Variants in ADAMTS7 observed in about 807,000 individuals in gnomAD.
The protein encoded by ADAMTS7 is A disintegrin and metalloproteinase with thrombospondin motifs 7.
In ADAMTS7, 89 loss-of-function variants were observed where a neutral mutation model predicts 172.6. That is an observed-to-expected ratio of 0.52 (90% confidence interval 0.43 to 0.61). The LOEUF is 0.61. ADAMTS7 is among the 20% of genes least tolerant of loss of function. The pLI is 0.00. For missense variants in ADAMTS7, 1,973 were observed against 2,355.6 expected (o/e 0.84, Z 3.36); for synonymous variants, 885 against 978.4 (o/e 0.90, Z 1.78).
At position 78,791,203 on chromosome 15, in the gene ADAMTS7, G is replaced by A. The variant is rs2055576343; in HGVS notation, c.840C>T (p.Asp280=). Residue 280 remains aspartate (D), a synonymous_variant, in exon 5 of 24, where the codon GAC becomes GAT. Coordinates refer to ENST00000388820, the MANE Select transcript of ADAMTS7 (RefSeq NM_014272.5). The stretch of plus-strand genomic sequence containing the variant: ...TGTGGATGGGGTTCCCAATGCTGGG[G>A]TCATGAAACAGGCCAGCCACCTGCC... ...IMNMVAGLFH[D]PSIGNPIHIT... is the part of the protein sequence containing the mutation. The A allele has an allele frequency of 6.2e-7, 1 of 1,613,240 alleles. No homozygotes were observed. The highest frequency in any genetic ancestry group is 8.5e-7 in the Non-Finnish European group (1 of 1,179,696).
rs767391600 is a variant in ADAMTS7 at position 78,766,172 on chromosome 15, C to T, written c.3739G>A (p.Gly1247Ser). Residue 1247 changes from glycine to serine, a missense_variant, in exon 19 of 24, where the codon GGC (glycine) becomes AGC (serine). By Grantham distance (56) the Gly-to-Ser change is moderately conservative. Around this residue, in one of 8 missense-constraint regions of ADAMTS7, gnomAD observed 771 missense variants for 952.6 expected, o/e 0.81. Coordinates refer to ENST00000388820, the MANE Select transcript of ADAMTS7 (RefSeq NM_014272.5). Reference protein sequence around the residue: ...SSTLPPLSPVGSTHSSPSPDV... With the variant: ...SSTLPPLSPVSSTHSSPSPDV... ...GGACTAGGAGAGGAGTGGGTGCTGCCAACAGGGGACAAAGGGGGCAGCGTG... is the reference window on the plus strand; with the variant it reads ...GGACTAGGAGAGGAGTGGGTGCTGCTAACAGGGGACAAAGGGGGCAGCGTG... 160 of 1,610,774 alleles carry T rather than the reference C, an allele frequency of 9.9e-5. No individual in the cohort carries two copies. Among genetic ancestry groups the T allele is most frequent in the Middle Eastern group, 1.9e-4 (1 of 5,318 alleles).
rs2055215153 is a variant in ADAMTS7, at chr15:78,769,710, CA to C, written c.2518+1451del. On this transcript the variant is annotated intron_variant, in intron 16 of 23. Transcript: ENST00000388820. Reference sequence around the variant, plus strand: ...TGCATCTGGGACTTCCTGCCTGAGACAAAGAACCCCTGTCTGTTCCAGCCAC... The same window carrying C: ...TGCATCTGGGACTTCCTGCCTGAGACAAGAACCCCTGTCTGTTCCAGCCAC... Among the ~76,000 whole-genome samples the C allele has an allele frequency of 5.3e-5, 8 of 152,366 alleles. No individual in the cohort carries two copies. In the South Asian group the frequency reaches 1.7e-3, roughly 32 times the overall value.
chr15:78,777,488 G>A lies in ADAMTS7; in HGVS notation c.1423C>T (p.Arg475Cys), dbSNP rs765466327. 8 of 1,612,738 alleles carry A rather than the reference G, an allele frequency of 5.0e-6. No individual in the cohort carries two copies. The highest frequency in any genetic ancestry group is 1.3e-5 in the African/African-American group (1 of 74,922). The stretch of plus-strand genomic sequence containing the variant: ...GCAGAGTAGGCCCCGTACTGGAGGC[G>A]GCACTGGTGGCTTACATCATAGAGG... ...GVLYDVSHQC[R>C]LQYGAYSAFC... The change falls in exon 9 of 24, where the codon CGC (arginine) becomes TGC (cysteine). Residue 475 changes from arginine (R) to cysteine (C), a missense_variant. Around this residue, in one of 8 missense-constraint regions of ADAMTS7, gnomAD observed 526 missense variants for 662.9 expected, o/e 0.79. Transcript: ENST00000388820.
chr15:78,801,319 C>T (rs914812342), intron 1 of ADAMTS7, among the ~76,000 whole-genome samples: 8 of 152,194 alleles, frequency 5.3e-5, no homozygotes, highest in African/African-American at 1.9e-4. Flanking sequence ...AGCCTTAGTT[C>T]CCTCCACTCC....
intron 1 of ADAMTS7, among the ~76,000 whole-genome samples, chr15:78,809,113 C>T (rs1310413501): frequency 1.3e-5 from 2 of 152,132 alleles, no homozygotes; most frequent in Admixed American, 6.5e-5. Context: ...GAAACACATG[C>T]ACACAGAGTT....
intron 1 of ADAMTS7, among the ~76,000 whole-genome samples, chr15:78,805,246 G>A (rs572329857): frequency 1.5e-4 from 23 of 152,314 alleles, no homozygotes; most frequent in African/African-American, 4.1e-4. Context: ...CAACCACAGC[G>A]TGCAGATTTG....
At chr15:78,805,277 A>AT (rs1454450864) in intron 1 of ADAMTS7, among the ~76,000 whole-genome samples, 1 of 152,194 alleles carries the variant, frequency 6.6e-6, no homozygotes, top group Non-Finnish European at 1.5e-5. Context: ...TCAGTTATTG[A>AT]TTTTTTGGTT....
At chr15:78,764,264 T>C (rs543600770) in intron 20 of ADAMTS7, among the ~76,000 whole-genome samples, 165 bp from the exon 21 acceptor site, 1 of 151,386 alleles carries the variant, frequency 6.6e-6, no homozygotes, top group East Asian at 2.0e-4. Context: ...AGGCAAAAGG[T>C]GGCATGGCCA....
intron 8 of ADAMTS7, among the ~76,000 whole-genome samples, chr15:78,787,252 C>A (rs2055514227): frequency 6.6e-6 from 1 of 151,264 alleles, no homozygotes; most frequent in South Asian, 2.1e-4. Context: ...TGCATTTAAA[C>A]CTGGCACTGC....
chr15:78,777,617 G>C, intron 8 of ADAMTS7, 29 bp from the exon 9 acceptor site: 1 of 1,586,982 alleles, frequency 6.3e-7, no homozygotes, highest in Non-Finnish European at 8.6e-7. Context: ...GATGGAGGGG[G>C]GCGCAGCCTG....
At chr15:78,791,750 C>A (rs1023628553) in intron 4 of ADAMTS7, among the ~76,000 whole-genome samples, 2 of 152,168 alleles carry the variant, frequency 1.3e-5, no homozygotes, top group African/African-American at 4.8e-5. Flanking sequence ...TAGGCACAGG[C>A]CTATGGAGCC....
At chr15:78,793,694 T>C (rs1181764729) in intron 4 of ADAMTS7, among the ~76,000 whole-genome samples, 1 of 152,182 alleles carries the variant, frequency 6.6e-6, no homozygotes, top group Non-Finnish European at 1.5e-5. Flanking sequence ...TCCACATCCA[T>C]CACTTTATCC....
At chr15:78,779,319 C>T (rs1242761278) in intron 8 of ADAMTS7, among the ~76,000 whole-genome samples, 1 of 152,162 alleles carries the variant, frequency 6.6e-6, no homozygotes, top group Non-Finnish European at 1.5e-5. Context: ...ACATCCTGGG[C>T]AGACTCTACC....
chr15:78,787,052 A>G (rs1201436421), intron 8 of ADAMTS7, among the ~76,000 whole-genome samples: 4 of 152,216 alleles, frequency 2.6e-5, no homozygotes, highest in Non-Finnish European at 5.9e-5. Flanking sequence ...ACTTTATTGT[A>G]AGAATACAGT....
intron 10 of ADAMTS7, 36 bp from the exon 11 acceptor site, chr15:78,776,369 C>A (rs2055346077): frequency 1.9e-6 from 3 of 1,596,850 alleles, no homozygotes; most frequent in Non-Finnish European, 2.6e-6. Context: ...CACCCCACCC[C>A]CAAGTCTATC....
intron 1 of ADAMTS7, 178 bp downstream of exon 1, chr15:78,810,943 C>T: frequency 1.5e-6 from 1 of 664,912 alleles, no homozygotes; most frequent in Non-Finnish European, 2.1e-6. Context: ...CGGCTTCGCT[C>T]CCGGCCCGGC....
chr15:78,803,641 C>T (rs539482374), intron 1 of ADAMTS7, among the ~76,000 whole-genome samples: 15 of 152,232 alleles, frequency 9.9e-5, no homozygotes, highest in South Asian at 8.3e-4. Context: ...TTAGTAGAGA[C>T]GGGGTTTTGC....
rs3825808 is a variant in ADAMTS7 at position 78,771,560 on chromosome 15, C to A, written c.2376+25G>T. 1,093 of 1,579,648 alleles carry A rather than the reference C, an allele frequency of 6.9e-4. 1 individual carries two copies. Among genetic ancestry groups the A allele is most frequent in the African/African-American group, 2.9e-3 (215 of 74,464 alleles). On this transcript the variant is annotated intron_variant, in intron 15 of 23. Transcript: ENST00000388820. This position sits in a 1 kb window ranked among gnomAD's most constrained non-coding sequence, Gnocchi z 4.9. ...CTGGGGACTCCGCCTCTGCTCCCCC[C>A]GCCTGGGCCACGGGAGGCAGGCACC... is the stretch of plus-strand genomic sequence containing the variant.
chr15:78,770,831 A>G (rs1442706153), intron 16 of ADAMTS7: 1 of 262,194 alleles, frequency 3.8e-6, no homozygotes, highest in Non-Finnish European at 7.3e-6. Context: ...TACTTTTTAT[A>G]AATAGTTTAG....
Sources: allele counts gnomAD v4.1 joint callset (sites outside exome capture counted in the v4.1 genomes callset), GRCh38; gene constraint gnomAD v4.1.1; regional missense constraint gnomAD v4.1.1; non-coding constraint Gnocchi (gnomAD v3.1); transcripts MANE v1.5; gene names NCBI Gene and HGNC (gene_info 2026-07-23, HGNC 2026-07-21).